STRN3: variants seen among roughly 807,000 people sequenced by gnomAD.
The protein encoded by STRN3 is striatin-3.
A neutral mutation model predicts 95.6 loss-of-function variants in STRN3; 29 were observed. The observed-to-expected ratio is 0.30, with a 90% CI of 0.23 to 0.41. The LOEUF is 0.41. Among genes scored for constraint, STRN3 ranks in the 10% least tolerant of loss-of-function variants. The probability of loss-of-function intolerance (pLI) is 1.00; values close to 1 mark genes in which losing one functional copy is unlikely to be tolerated. For synonymous variants in STRN3, 331 were observed against 357.6 expected, an observed-to-expected ratio of 0.93 and a Z score of 0.84; for missense variants, 890 against 972.1, an observed-to-expected ratio of 0.92 and a Z score of 1.12.
intron 1 of STRN3, among the ~76,000 whole-genome samples, chr14:30,989,225 C>G (rs1881833740): frequency 6.6e-6 from 1 of 152,192 alleles, no homozygotes; most frequent in South Asian, 2.1e-4. Context: ...ACCTGCCCAG[C>G]CTGGACCCTG....
At chr14:30,944,465 A>G (rs996343516) in intron 5 of STRN3, among the ~76,000 whole-genome samples, 2 of 149,960 alleles carry the variant, frequency 1.3e-5, no homozygotes, top group African/African-American at 4.9e-5. Flanking sequence ...ACACATATGT[A>G]TATGTGTATA....
At chr14:30,925,651 C>T (rs1056786107) in intron 8 of STRN3, among the ~76,000 whole-genome samples, 5 of 152,010 alleles carry the variant, frequency 3.3e-5, no homozygotes, top group African/African-American at 1.2e-4. Context: ...CTAATGATAA[C>T]GTATTCTATA....
intron 1 of STRN3, among the ~76,000 whole-genome samples, chr14:30,980,245 G>A (rs76903160): frequency 6.6e-6 from 1 of 151,880 alleles, no homozygotes; most frequent in African/African-American, 2.4e-5. Flanking sequence ...ACTCTGTATG[G>A]GGGCGGGGAG....
chr14:30,977,781 A>G (rs959133323), intron 1 of STRN3, among the ~76,000 whole-genome samples: 6 of 140,626 alleles, frequency 4.3e-5, no homozygotes, highest in Non-Finnish European at 7.6e-5. Flanking sequence ...CAAACAAAAC[A>G]AGACTCTATC....
chr14:30,970,302 G>A lies in STRN3; in HGVS notation c.283-14060C>T, dbSNP rs113861326. Among the ~76,000 whole-genome samples, 509 of 152,258 alleles carry A rather than the reference G, an allele frequency of 3.3e-3. 2 individuals carry two copies. The highest frequency in any genetic ancestry group is 0.011 in the African/African-American group (477 of 41,556). On this transcript the variant is annotated intron_variant, in intron 1 of 17. Transcript: ENST00000357479. ...TCCAGGGAGATTTCGATAAAGACCCGAGTGTCAACCAGGAGTCTGGCCCCC... is the reference window on the plus strand; with the variant it reads ...TCCAGGGAGATTTCGATAAAGACCCAAGTGTCAACCAGGAGTCTGGCCCCC...
At chr14:30,908,327 G>A (rs1375367306) in intron 13 of STRN3, among the ~76,000 whole-genome samples, 2 of 151,928 alleles carry the variant, frequency 1.3e-5, no homozygotes, top group African/African-American at 2.4e-5. Context: ...ACTCCAATTT[G>A]GTTTCTGATA....
In STRN3 at chr14:31,000,971, C is replaced by T. The variant is rs1171749869; in HGVS notation, c.282+24933G>A. ...GTAGACTTGGTAACAATAAAGAACT[C>T]CCCACCAGATAGGGTTCTATTGTCT... is the stretch of plus-strand genomic sequence containing the variant. On this transcript the variant is annotated intron_variant, in intron 1 of 17. Transcript: ENST00000357479. Among the ~76,000 whole-genome samples, 6 of 152,240 alleles carry T rather than the reference C, an allele frequency of 3.9e-5. No homozygotes were observed. The East Asian group carries it at 1.2e-3, about 29-fold the overall frequency.
intron 1 of STRN3, among the ~76,000 whole-genome samples, chr14:30,961,775 T>A (rs1269954443): frequency 1.3e-5 from 2 of 152,188 alleles, no homozygotes; most frequent in East Asian, 3.8e-4. Flanking sequence ...GCTAATTTTT[T>A]AAAAATTATT....
chr14:30,996,335 G>A (rs1416074876), intron 1 of STRN3, among the ~76,000 whole-genome samples: 2 of 152,174 alleles, frequency 1.3e-5, no homozygotes, highest in East Asian at 1.9e-4. Flanking sequence ...CACTGCAAAT[G>A]TTAAAACTTC....
At position 30,895,423 on chromosome 14, in the gene STRN3, T is replaced by C. The variant is rs1346695869; in HGVS notation, c.2382A>G (p.Lys794=). Residue 794 remains lysine (K), a synonymous_variant, in exon 18 of 18, where the codon AAA becomes AAG. Coordinates refer to ENST00000357479, the MANE Select transcript of STRN3 (RefSeq NM_001083893.2). ...IASAGADALA[K]VFV is the part of the protein sequence containing the mutation. Reference sequence around the variant, plus strand: ...AGTTTTTGTTGATTCATACAAATACTTTGGCAAGAGCATCAGCTCCTGCAC... The same window carrying C: ...AGTTTTTGTTGATTCATACAAATACCTTGGCAAGAGCATCAGCTCCTGCAC... The C allele has an allele frequency of 1.2e-6, 2 of 1,603,524 alleles. No homozygotes were observed. The highest frequency in any genetic ancestry group is 2.7e-5 in the African/African-American group (2 of 74,504).
intron 1 of STRN3, among the ~76,000 whole-genome samples, chr14:30,989,444 TTTA>T (rs1881845597): frequency 6.6e-6 from 1 of 152,144 alleles, no homozygotes; most frequent in South Asian, 2.1e-4. Context: ...AAAACAGTCA[TTTA>T]AACACAGGAT....
At chr14:30,912,273 A>G in intron 10 of STRN3, 91 bp from the exon 11 acceptor site, 7 of 1,247,812 alleles carry the variant, frequency 5.6e-6, no homozygotes, top group Non-Finnish European at 7.6e-6. Context: ...TGTGTTTAAC[A>G]CATATATTTA....
rs959136131 is a variant in STRN3, at chr14:30,894,041, A to G, written c.*1370T>C. On this transcript the variant is annotated 3_prime_UTR_variant, in exon 18 of 18. Coordinates refer to ENST00000357479, the MANE Select transcript of STRN3 (RefSeq NM_001083893.2). ...CATCAAAACTCGCAAACTGATCAGAAAAGTTTCTCGGAAGACTAGAAAAAA... is the reference window on the plus strand; with the variant it reads ...CATCAAAACTCGCAAACTGATCAGAGAAGTTTCTCGGAAGACTAGAAAAAA... 1 of 152,626 alleles carries G rather than the reference A, an allele frequency of 6.6e-6. No individual in the cohort carries two copies. The highest frequency in any genetic ancestry group is 2.4e-5 in the African/African-American group (1 of 41,454). The allele number at this position is 152,626 out of a possible 1,614,324, so 9.5% of individuals were successfully genotyped here.
chr14:30,928,366 T>C (rs1029008028), intron 8 of STRN3, among the ~76,000 whole-genome samples: 2 of 152,016 alleles, frequency 1.3e-5, no homozygotes, highest in African/African-American at 4.8e-5. Context: ...CTCACACTAT[T>C]TTCTCCTTTA....
chr14:30,956,940 C>T (rs181942865), intron 1 of STRN3, among the ~76,000 whole-genome samples: 1 of 152,050 alleles, frequency 6.6e-6, no homozygotes, highest in African/African-American at 2.4e-5. Context: ...AGGCAGATCA[C>T]CTGAGGTCAG....
At chr14:30,956,519 T>C (rs1033878581) in intron 1 of STRN3, among the ~76,000 whole-genome samples, 1 of 152,166 alleles carries the variant, frequency 6.6e-6, no homozygotes, top group African/African-American at 2.4e-5. Flanking sequence ...CCAGGTTTAG[T>C]GGTGTGTGCC....
chr14:30,935,997 A>G (rs888238729), intron 6 of STRN3, among the ~76,000 whole-genome samples: 1 of 152,264 alleles, frequency 6.6e-6, no homozygotes, highest in Non-Finnish European at 1.5e-5. Flanking sequence ...TGGCTTCTAC[A>G]GCAAGCCCCT....
intron 1 of STRN3, among the ~76,000 whole-genome samples, chr14:30,996,318 A>T (rs943071029): frequency 2.0e-5 from 3 of 152,198 alleles, no homozygotes; most frequent in Non-Finnish European, 4.4e-5. Flanking sequence ...CCACTAGCAC[A>T]AAGTGGCACT....
At chr14:30,959,154 C>T (rs761240705) in intron 1 of STRN3, among the ~76,000 whole-genome samples, 2 of 152,088 alleles carry the variant, frequency 1.3e-5, no homozygotes, top group African/African-American at 2.4e-5. Flanking sequence ...AGCAACACCT[C>T]GTCTTCACTA....
Sources: allele counts gnomAD v4.1 joint callset (sites outside exome capture counted in the v4.1 genomes callset), GRCh38; gene constraint gnomAD v4.1.1; transcripts MANE v1.5; gene names NCBI Gene and HGNC (gene_info 2026-07-23, HGNC 2026-07-21).